Variants in RUNX2 observed in about 807,000 individuals in gnomAD.
The protein encoded by RUNX2 is RUNX family transcription factor 2, also known as runt-related transcription factor 2.
Under a neutral mutation model 51.7 loss-of-function variants are expected in RUNX2, and 10 were observed. The observed-to-expected ratio is 0.19, with a 90% CI of 0.12 to 0.33. RUNX2 has a LOEUF of 0.33. Among genes scored for constraint, RUNX2 ranks in the 10% least tolerant of loss-of-function variants. The pLI is 1.00. For missense variants in RUNX2, 562 were observed against 691.3 expected, an observed-to-expected ratio of 0.81 and a Z score of 2.10; for synonymous variants, 276 against 273.6, an observed-to-expected ratio of 1.01 and a Z score of -0.09.
At chr6:45,509,781 G>A (rs986260506) in intron 6 of RUNX2, among the ~76,000 whole-genome samples, 37 of 152,048 alleles carry the variant, frequency 2.4e-4, no homozygotes, top group Admixed American at 2.0e-3. Flanking sequence ...ATTCCTTTTC[G>A]TCATTTTTTA....
At chr6:45,542,005 A>T (rs1232624459) in intron 7 of RUNX2, among the ~76,000 whole-genome samples, 1 of 152,070 alleles carries the variant, frequency 6.6e-6, no homozygotes, top group African/African-American at 2.4e-5. Context: ...GGGGAGGCAA[A>T]GAAGTATCAG....
chr6:45,400,341 G>A (rs1044007924), intron 2 of RUNX2, among the ~76,000 whole-genome samples: 4 of 152,094 alleles, frequency 2.6e-5, no homozygotes, highest in Admixed American at 6.6e-5. Flanking sequence ...TGACAAGTTC[G>A]GGTTTTCTTT....
At chr6:45,476,881 C>T (rs967961761) in intron 5 of RUNX2, among the ~76,000 whole-genome samples, 61 of 152,050 alleles carry the variant, frequency 4.0e-4, no homozygotes, top group African/African-American at 1.4e-3. Flanking sequence ...CAAGGATGTA[C>T]AGGAAGCATT....
intron 5 of RUNX2, among the ~76,000 whole-genome samples, chr6:45,463,016 T>A (rs185914577): frequency 4.0e-4 from 61 of 152,292 alleles, no homozygotes; most frequent in Non-Finnish European, 6.0e-4. Flanking sequence ...ATGCATACAG[T>A]GGCACAGGCA....
chr6:45,414,795 G>T, intron 2 of RUNX2, among the ~76,000 whole-genome samples: 1 of 105,128 alleles, frequency 9.5e-6, no homozygotes, highest in African/African-American at 3.8e-5. Context: ...ATCAGATCTA[G>T]TGATAAGGCA....
At chr6:45,405,436 A>C (rs1582077568) in intron 2 of RUNX2, among the ~76,000 whole-genome samples, 1 of 152,326 alleles carries the variant, frequency 6.6e-6, no homozygotes, top group Non-Finnish European at 1.5e-5. Flanking sequence ...TACTAAAGCC[A>C]GTTGTGCACA....
intron 5 of RUNX2, among the ~76,000 whole-genome samples, chr6:45,453,293 A>G (rs1036783038): frequency 2.0e-5 from 3 of 152,150 alleles, no homozygotes; most frequent in African/African-American, 7.2e-5. Flanking sequence ...CCTGTTGTTT[A>G]TCTTTATAAA....
intron 2 of RUNX2, among the ~76,000 whole-genome samples, chr6:45,330,820 G>C (rs1024687184): frequency 6.6e-6 from 1 of 151,698 alleles, no homozygotes; most frequent in African/African-American, 2.4e-5. Context: ...AGCCTGAATA[G>C]AGAACTTAAC....
At chr6:45,426,275 A>AT (rs1372169593) in intron 3 of RUNX2, among the ~76,000 whole-genome samples, 3 of 152,220 alleles carry the variant, frequency 2.0e-5, no homozygotes, top group Non-Finnish European at 4.4e-5. Flanking sequence ...GGAAATAAAT[A>AT]TTTTTAACAT....
chr6:45,483,114 C>T (rs1461689074), intron 5 of RUNX2, among the ~76,000 whole-genome samples: 2 of 152,186 alleles, frequency 1.3e-5, no homozygotes, highest in Non-Finnish European at 2.9e-5. Context: ...AGGGCTGTCT[C>T]TACTCACGAG....
chr6:45,361,184 A>G (rs945836133), intron 2 of RUNX2, among the ~76,000 whole-genome samples: 3 of 152,166 alleles, frequency 2.0e-5, no homozygotes, highest in African/African-American at 7.2e-5. Context: ...ATATATAAGA[A>G]AATTCTGATT....
intron 2 of RUNX2, among the ~76,000 whole-genome samples, chr6:45,384,376 C>T (rs1038128976): frequency 5.3e-5 from 8 of 152,190 alleles, no homozygotes; most frequent in South Asian, 2.1e-4. Flanking sequence ...CCTCTACCTC[C>T]GGTGTTCAAG....
intron 5 of RUNX2, among the ~76,000 whole-genome samples, chr6:45,457,153 T>C (rs2150383727): frequency 6.6e-6 from 1 of 152,236 alleles, no homozygotes; most frequent in South Asian, 2.1e-4. Flanking sequence ...GGGGGTTACA[T>C]AGTTGTAGTT....
chr6:45,422,521 T>G, intron 2 of RUNX2, 72 bp from the exon 3 acceptor site: 2 of 902,788 alleles, frequency 2.2e-6, no homozygotes, highest in South Asian at 2.1e-5. Context: ...TCCTTGCCCC[T>G]CATTTCCACC....
At chr6:45,436,669 C>G (rs1305679980) in intron 4 of RUNX2, among the ~76,000 whole-genome samples, 1 of 152,120 alleles carries the variant, frequency 6.6e-6, no homozygotes, top group Non-Finnish European at 1.5e-5. Context: ...CTTACATGGT[C>G]TAGGTTGAAA....
intron 2 of RUNX2, among the ~76,000 whole-genome samples, chr6:45,417,272 G>A (rs770869859): frequency 6.6e-6 from 1 of 152,138 alleles, no homozygotes; most frequent in Non-Finnish European, 1.5e-5. Context: ...CAGACTACAT[G>A]AGAGTTTCTT....
intron 2 of RUNX2, among the ~76,000 whole-genome samples, chr6:45,374,617 C>T (rs186686156): frequency 8.7e-4 from 132 of 152,268 alleles, no homozygotes; most frequent in African/African-American, 3.2e-3. Context: ...CATTCTAATA[C>T]ATAATCAGAT....
chr6:45,545,031 A>C (rs1290373057), intron 7 of RUNX2, among the ~76,000 whole-genome samples, 186 bp from the exon 8 acceptor site: 1 of 152,020 alleles, frequency 6.6e-6, no homozygotes, highest in Non-Finnish European at 1.5e-5. Context: ...CTGGCCTTAG[A>C]AGCTGCTCAC....
chr6:45,369,272 C>T lies in RUNX2; in HGVS notation c.58+40488C>T, dbSNP rs188742040. Among the ~76,000 whole-genome samples, 19 of 152,210 alleles carry T rather than the reference C, an allele frequency of 1.2e-4. No individual in the cohort carries two copies. In the East Asian group the frequency reaches 3.3e-3, roughly 26 times the overall value. Reference sequence around the variant, plus strand: ...ACCTTTACCCCTACAGTTCTCTCTACTTGCAATACCTTTTGAAACAATACA... The same window carrying T: ...ACCTTTACCCCTACAGTTCTCTCTATTTGCAATACCTTTTGAAACAATACA... On this transcript the variant is annotated intron_variant, in intron 2 of 8. Transcript: ENST00000647337.
Sources: allele counts gnomAD v4.1 joint callset (sites outside exome capture counted in the v4.1 genomes callset), GRCh38; gene constraint gnomAD v4.1.1; transcripts MANE v1.5; gene names NCBI Gene and HGNC (gene_info 2026-07-23, HGNC 2026-07-21).